Variants in FBXL20 observed in about 807,000 individuals in gnomAD.
FBXL20 encodes F-box and leucine rich repeat protein 20, also known as F-box/LRR-repeat protein 20.
A neutral mutation model predicts 64.0 loss-of-function variants in FBXL20; 11 were observed. The observed-to-expected ratio is 0.17, with a 90% CI of 0.11 to 0.28. The LOEUF is 0.28. FBXL20 is among the 10% of genes least tolerant of loss of function. The pLI is 1.00. For missense variants in FBXL20, 303 were observed against 526.2 expected, an observed-to-expected ratio of 0.58 and a Z score of 4.15; for synonymous variants, 184 against 189.0, an observed-to-expected ratio of 0.97 and a Z score of 0.22.
chr17:39,288,157 G>A (rs1199606676), intron 6 of FBXL20, among the ~76,000 whole-genome samples: 1 of 151,818 alleles, frequency 6.6e-6, no homozygotes, highest in East Asian at 1.9e-4. Context: ...AGTAGAGACG[G>A]GGTTTCACCA....
chr17:39,377,872 G>C (rs979982064), intron 1 of FBXL20, among the ~76,000 whole-genome samples: 1 of 152,298 alleles, frequency 6.6e-6, no homozygotes, highest in Middle Eastern at 3.4e-3. Context: ...AGCAGTTACA[G>C]CATGCTGGCA....
rs956171105 is a variant in FBXL20, at chr17:39,394,077, C to T, written c.42+7284G>A. On this transcript the variant is annotated intron_variant, in intron 1 of 14. Transcript: ENST00000264658. ...GTGGGAGGGGTCTGATCTAAGAATT[C>T]GCTTAGTCTCACTAAGTCTGGAAGA... Among the ~76,000 whole-genome samples, 11 of 152,190 alleles carry T rather than the reference C, an allele frequency of 7.2e-5. No individual in the cohort carries two copies. In the East Asian group the frequency reaches 1.9e-3, roughly 27 times the overall value.
intron 12 of FBXL20, among the ~76,000 whole-genome samples, chr17:39,267,390 TTCTA>T (rs1424559933): frequency 1.3e-5 from 2 of 152,206 alleles, no homozygotes; most frequent in African/African-American, 4.8e-5. Context: ...CTGGACTTTG[TTCTA>T]TCTCCTTAGA....
At chr17:39,365,458 G>T (rs1423486655) in intron 1 of FBXL20, among the ~76,000 whole-genome samples, 1 of 152,042 alleles carries the variant, frequency 6.6e-6, no homozygotes, top group African/African-American at 2.4e-5. Context: ...GAAATCACTA[G>T]ATAAAAACAT....
At chr17:39,382,613 A>G (rs1287009853) in intron 1 of FBXL20, among the ~76,000 whole-genome samples, 1 of 152,082 alleles carries the variant, frequency 6.6e-6, no homozygotes, top group Non-Finnish European at 1.5e-5. Context: ...TGGGAGGATC[A>G]CTTGAGGCCA....
chr17:39,272,784 C>T (rs921427141), intron 10 of FBXL20, among the ~76,000 whole-genome samples: 1 of 151,272 alleles, frequency 6.6e-6, no homozygotes, highest in African/African-American at 2.4e-5. Flanking sequence ...TGGGAAAACA[C>T]GATCTGACTG....
At chr17:39,339,046 TAG>T (rs2047556322) in intron 2 of FBXL20, among the ~76,000 whole-genome samples, 1 of 151,022 alleles carries the variant, frequency 6.6e-6, no homozygotes, top group Non-Finnish European at 1.5e-5. Context: ...TGCACACCTG[TAG>T]CCCCAGCCAC....
In FBXL20 at chr17:39,261,518, G is replaced by A. The variant is rs767640178; in HGVS notation, c.1253C>T (p.Pro418Leu). 6.2e-7 allele frequency: 1 copy of A among 1,614,004 alleles called. No homozygotes were observed. Among genetic ancestry groups the A allele is most frequent in the Non-Finnish European group, 8.5e-7 (1 of 1,179,902 alleles). ...KVHAYFAPVT[P>L]PPSVGGSRQR... ...TCTGCTGCCCCCTACTGATGGGGGT[G>A]GAGTGACAGGTGCGAAGTAGGCGTG... The change falls in exon 15 of 15, where the codon CCA becomes CTA. Residue 418 changes from proline to leucine, a missense_variant. Pro to Leu is a moderately conservative substitution (Grantham distance 98). Around this residue, in one of 3 missense-constraint regions of FBXL20, gnomAD observed 56 missense variants for 86.0 expected, o/e 0.65. Transcript: ENST00000264658.
At chr17:39,295,317 A>C (rs1446958211) in intron 6 of FBXL20, among the ~76,000 whole-genome samples, 1 of 152,136 alleles carries the variant, frequency 6.6e-6, no homozygotes, top group Non-Finnish European at 1.5e-5. Context: ...TCTAGGCTGG[A>C]ATACAGTAGT....
intron 13 of FBXL20, among the ~76,000 whole-genome samples, chr17:39,264,803 G>T (rs2046777581): frequency 6.6e-6 from 1 of 152,140 alleles, no homozygotes; most frequent in Non-Finnish European, 1.5e-5. Context: ...ATTAGCTGAA[G>T]ATTTTTACAG....
Position 39,285,466 on chromosome 17 carries a change from T to C in FBXL20, c.494+12A>G, listed in dbSNP as rs1265834476. 6.5e-7 allele frequency: 1 copy of C among 1,544,768 alleles called. No individual in the cohort carries two copies. The highest frequency in any genetic ancestry group is 1.4e-5 in the African/African-American group (1 of 72,378). ...TTTTGATTACTTGACATGCTTATTA[T>C]AAGAAATTTACCTCAGAGCTTTTAG... On this transcript the variant is annotated intron_variant, in intron 7 of 14. Coordinates refer to ENST00000264658, the MANE Select transcript of FBXL20 (RefSeq NM_032875.3).
rs2144697826 is a variant in FBXL20 at position 39,401,460 on chromosome 17, G to A, written c.-58C>T. On this transcript the variant is annotated 5_prime_UTR_variant, in exon 1 of 15. Coordinates refer to ENST00000264658, the MANE Select transcript of FBXL20 (RefSeq NM_032875.3). ...GCGGCGAGCGGAGTGCACAGACCGG[G>A]GGCCCAGGACAGGCCCGGGAGTTCC... 6.4e-7 allele frequency: 1 copy of A among 1,550,438 alleles called. No homozygotes were observed. The highest frequency in any genetic ancestry group is 2.4e-5 in the East Asian group (1 of 40,886).
At chr17:39,274,194 G>T (rs1041364057) in intron 10 of FBXL20, among the ~76,000 whole-genome samples, 1 of 152,148 alleles carries the variant, frequency 6.6e-6, no homozygotes, top group Non-Finnish European at 1.5e-5. Context: ...TATTTGTAAA[G>T]CACCTAAAGC....
intron 1 of FBXL20, among the ~76,000 whole-genome samples, chr17:39,383,255 CAT>C (rs760235856): frequency 3.3e-5 from 5 of 149,438 alleles, no homozygotes; most frequent in South Asian, 2.1e-4. Flanking sequence ...CTCTAAAAAA[CAT>C]AAAGTTTCAG....
chr17:39,292,656 G>A (rs2047050233), intron 6 of FBXL20, among the ~76,000 whole-genome samples: 1 of 151,786 alleles, frequency 6.6e-6, no homozygotes, highest in African/African-American at 2.4e-5. Flanking sequence ...TTTTTCGCTT[G>A]TTGCCCAGGC....
intron 10 of FBXL20, among the ~76,000 whole-genome samples, chr17:39,274,763 T>C (rs1325614619): frequency 6.6e-6 from 1 of 152,220 alleles, no homozygotes; most frequent in Admixed American, 6.6e-5. Flanking sequence ...GTAGTGGAAT[T>C]TGGGGATTGT....
chr17:39,282,405 T>C (rs909130667), intron 8 of FBXL20, among the ~76,000 whole-genome samples: 20 of 152,310 alleles, frequency 1.3e-4, no homozygotes, highest in Middle Eastern at 3.4e-3. Flanking sequence ...CAGTTCAAAG[T>C]ATCAGGCAGT....
Position 39,353,599 on chromosome 17 carries a change from CTTATTTAT to C in FBXL20, c.43-10366_43-10359del, listed in dbSNP as rs376084578. Among the ~76,000 whole-genome samples, 1,283 of 140,318 alleles carry C rather than the reference CTTATTTAT, an allele frequency of 9.1e-3. 18 individuals are homozygous for C. The highest frequency in any genetic ancestry group is 0.033 in the Admixed American group (459 of 13,802). 92.1% of individuals were successfully genotyped at this position (140,318 alleles called of 152,430 possible). On this transcript the variant is annotated intron_variant, in intron 1 of 14. Coordinates refer to ENST00000264658, the MANE Select transcript of FBXL20 (RefSeq NM_032875.3). ...CCATGGATAAGGGAGACCACTACAC[CTTATTTAT>C]TTATTTATTTATTTATTTATTTATT...
chr17:39,401,275 G>C (rs2048240138), intron 1 of FBXL20, 86 bp downstream of exon 1: 5 of 1,603,930 alleles, frequency 3.1e-6, no homozygotes. Flanking sequence ...GCCTGCCAGG[G>C]AGGAGGCTCC....
Sources: allele counts gnomAD v4.1 joint callset (sites outside exome capture counted in the v4.1 genomes callset), GRCh38; gene constraint gnomAD v4.1.1; regional missense constraint gnomAD v4.1.1; transcripts MANE v1.5; gene names NCBI Gene and HGNC (gene_info 2026-07-23, HGNC 2026-07-21).